WDR7: variants seen among roughly 807,000 people sequenced by gnomAD.
The protein encoded by WDR7 is WD repeat domain 7, also known as WD repeat-containing protein 7.
WDR7 carries 46 observed loss-of-function variants against 169.4 expected under a neutral mutation model. That is an observed-to-expected ratio of 0.27 (90% CI 0.21 to 0.35). WDR7 has a LOEUF of 0.35. WDR7 is among the 10% of genes least tolerant of loss of function. The pLI is 1.00. For synonymous variants in WDR7, 612 were observed against 666.8 expected, an observed-to-expected ratio of 0.92 and a Z score of 1.27; for missense variants, 1,534 against 1,859.3, an observed-to-expected ratio of 0.83 and a Z score of 3.22.
intron 14 of WDR7, among the ~76,000 whole-genome samples, chr18:56,734,736 C>T (rs997570703): frequency 2.0e-5 from 3 of 152,010 alleles, no homozygotes; most frequent in African/African-American, 7.2e-5. Context: ...TCCCAAAACA[C>T]TTTTCCCTTT....
intron 7 of WDR7, among the ~76,000 whole-genome samples, chr18:56,687,650 G>T (rs368474237): frequency 6.6e-6 from 1 of 152,112 alleles, no homozygotes; most frequent in South Asian, 2.1e-4. Context: ...TTAAAGAGAT[G>T]TGGTCTCATT....
chr18:56,781,503 C>A, intron 18 of WDR7, 30 bp from the exon 19 acceptor site: 1 of 1,546,926 alleles, frequency 6.5e-7, no homozygotes, highest in Non-Finnish European at 8.7e-7. Flanking sequence ...AATCTGCTTT[C>A]TGCTTTTACA....
At chr18:56,780,072 G>C (rs72916618) in intron 18 of WDR7, among the ~76,000 whole-genome samples, 2 of 152,036 alleles carry the variant, frequency 1.3e-5, no homozygotes, top group African/African-American at 4.8e-5. Flanking sequence ...TATAAAGTGG[G>C]GATAATAATA....
In WDR7 at chr18:57,027,910, G is replaced by A. The variant is rs2048390457; in HGVS notation, c.*703G>A. 6.6e-6 allele frequency: 1 copy of A among 152,192 alleles called. No homozygotes were observed. The highest frequency in any genetic ancestry group is 2.4e-5 in the African/African-American group (1 of 41,428). 9.4% of individuals were successfully genotyped at this position (152,192 alleles called of 1,614,324 possible). A position where few individuals can be genotyped will look rare whatever the true frequency, so the allele number is the denominator to read the frequency against. ...TGAAGTGCTCATCTCTTGCTTAAAT[G>A]ATAGTCTATTTAGTAGTTTAAAATA... is the stretch of plus-strand genomic sequence containing the variant. On this transcript the variant is annotated 3_prime_UTR_variant, in exon 28 of 28. Coordinates refer to ENST00000254442, the MANE Select transcript of WDR7 (RefSeq NM_015285.3).
intron 20 of WDR7, among the ~76,000 whole-genome samples, chr18:56,835,040 A>G (rs945286206): frequency 2.6e-5 from 4 of 152,172 alleles, no homozygotes; most frequent in South Asian, 2.1e-4. Flanking sequence ...CTACCTTTTC[A>G]TCAGCCCTGA....
In WDR7 at chr18:56,872,267, A is replaced by G. The variant is rs114054448; in HGVS notation, c.3305-7677A>G. 5.6e-3 allele frequency among the ~76,000 whole-genome samples: 848 copies of G among 152,264 alleles called. 11 individuals carry two copies. The highest frequency in any genetic ancestry group is 0.019 in the African/African-American group (805 of 41,560). On this transcript the variant is annotated intron_variant, in intron 20 of 27. Transcript: ENST00000254442. The stretch of plus-strand genomic sequence containing the variant: ...TTTACCCTAGCACTGCACAAAGCCA[A>G]TTAACATGATCTTTAGAGTTATTTA...
chr18:56,689,495 A>G (rs545624126), intron 7 of WDR7, among the ~76,000 whole-genome samples: 4 of 152,194 alleles, frequency 2.6e-5, no homozygotes, highest in Non-Finnish European at 5.9e-5. Flanking sequence ...CCTGGCATCA[A>G]GTGGTCAGCT....
chr18:56,844,170 T>C (rs2045531595), intron 20 of WDR7, among the ~76,000 whole-genome samples: 1 of 152,070 alleles, frequency 6.6e-6, no homozygotes, highest in Admixed American at 6.6e-5. Context: ...CTATTTTTTT[T>C]TTTTTAAATA....
chr18:57,015,662 C>T (rs2048196153), intron 26 of WDR7, among the ~76,000 whole-genome samples: 1 of 152,176 alleles, frequency 6.6e-6, no homozygotes, highest in Non-Finnish European at 1.5e-5. Flanking sequence ...GAGCCTGGTT[C>T]CCCCTCCTTA....
At chr18:56,781,272 A>G (rs140799742) in intron 18 of WDR7, among the ~76,000 whole-genome samples, 1 of 152,242 alleles carries the variant, frequency 6.6e-6, no homozygotes, top group African/African-American at 2.4e-5. Flanking sequence ...TGGAAAATGC[A>G]GTGATTAAAT....
chr18:57,019,624 T>G (rs1385131523), intron 26 of WDR7, among the ~76,000 whole-genome samples: 1 of 152,190 alleles, frequency 6.6e-6, no homozygotes, highest in Non-Finnish European at 1.5e-5. Flanking sequence ...GGAATGTGCT[T>G]GTGTCCCTAC....
chr18:56,937,713 T>G (rs1349860442), intron 23 of WDR7, among the ~76,000 whole-genome samples: 1 of 152,148 alleles, frequency 6.6e-6, no homozygotes, highest in African/African-American at 2.4e-5. Flanking sequence ...TGGGACACAG[T>G]GAGTGTGGTT....
In WDR7 at chr18:56,693,698, A is replaced by G. The variant is rs1303244246; in HGVS notation, c.967-921A>G. Among the ~76,000 whole-genome samples the G allele has an allele frequency of 2.7e-5, 4 of 148,614 alleles. No individual in the cohort carries two copies. In the South Asian group the frequency reaches 6.4e-4, roughly 24 times the overall value. The stretch of plus-strand genomic sequence containing the variant: ...GCGATTCTCCTGCCTCAGCCTCCCG[A>G]GTAGCTGGGATTACAGGCACGCACC... On this transcript the variant is annotated intron_variant, in intron 9 of 27. Coordinates refer to ENST00000254442, the MANE Select transcript of WDR7 (RefSeq NM_015285.3).
At chr18:56,670,708 A>G (rs2025115512) in intron 1 of WDR7, among the ~76,000 whole-genome samples, 1 of 152,016 alleles carries the variant, frequency 6.6e-6, no homozygotes, top group Admixed American at 6.6e-5. Flanking sequence ...ACGGGGTTTC[A>G]CCATGTTGGC....
At chr18:56,679,251 T>TG (rs2025307727) in intron 2 of WDR7, 81 bp from the exon 3 acceptor site, 5 of 1,186,576 alleles carry the variant, frequency 4.2e-6, no homozygotes, top group Non-Finnish European at 6.1e-6. Context: ...GTCTTCTATT[T>TG]TACTATGGCT....
At chr18:56,657,226 C>T (rs2024795734) in intron 1 of WDR7, among the ~76,000 whole-genome samples, 1 of 151,050 alleles carries the variant, frequency 6.6e-6, no homozygotes. Flanking sequence ...GGTGTGATCT[C>T]AGCTCACTGC....
At chr18:56,930,775 C>G (rs557939325) in intron 22 of WDR7, among the ~76,000 whole-genome samples, 12 of 152,242 alleles carry the variant, frequency 7.9e-5, no homozygotes, top group Middle Eastern at 3.4e-3. Context: ...TTACCCTGTT[C>G]CTATTGACCA....
At chr18:56,866,297 A>C (rs539171374) in intron 20 of WDR7, among the ~76,000 whole-genome samples, 3 of 151,960 alleles carry the variant, frequency 2.0e-5, no homozygotes, top group Admixed American at 2.0e-4. Context: ...TTACACACTC[A>C]GCTTCCAATA....
At chr18:56,849,165 T>C (rs2045607413) in intron 20 of WDR7, among the ~76,000 whole-genome samples, 1 of 152,190 alleles carries the variant, frequency 6.6e-6, no homozygotes, top group South Asian at 2.1e-4. Context: ...CATTCATTCC[T>C]TCTAACCTTG....
Sources: allele counts gnomAD v4.1 joint callset (sites outside exome capture counted in the v4.1 genomes callset), GRCh38; gene constraint gnomAD v4.1.1; transcripts MANE v1.5; gene names NCBI Gene and HGNC (gene_info 2026-07-23, HGNC 2026-07-21).